LRP1B: variants seen among roughly 807,000 people sequenced by gnomAD.
LRP1B encodes LDL receptor related protein 1B.
Under a neutral mutation model 556.6 loss-of-function variants are expected in LRP1B, and 217 were observed. That is an observed-to-expected ratio of 0.39 (90% confidence interval 0.35 to 0.44). The LOEUF (loss-of-function observed/expected upper bound fraction) is 0.44, where lower values mean the gene tolerates loss of function less well. Ranked by LOEUF, LRP1B falls within the 20% of genes least tolerant of loss-of-function variation. The pLI, the probability that LRP1B is intolerant of heterozygous loss-of-function variation, is 1.00. For synonymous variants in LRP1B, 2,047 were observed against 1,865.8 expected, an observed-to-expected ratio of 1.10 and a Z score of -2.50; for missense variants, 5,053 against 5,620.8, an observed-to-expected ratio of 0.90 and a Z score of 3.23.
intron 10 of LRP1B, among the ~76,000 whole-genome samples, chr2:141,050,669 C>A (rs954524389): frequency 4.6e-5 from 7 of 151,976 alleles, no homozygotes; most frequent in African/African-American, 1.7e-4. Flanking sequence ...AAACCAAAAC[C>A]ATAAAAATCC....
chr2:140,698,235 GC>G (rs1005079573), intron 41 of LRP1B, among the ~76,000 whole-genome samples: 3 of 151,786 alleles, frequency 2.0e-5, no homozygotes, highest in African/African-American at 7.3e-5. Context: ...TGAATGCTTA[GC>G]CCAGAAGAGT....
At chr2:140,581,589 G>C (rs1558982407) in intron 43 of LRP1B, among the ~76,000 whole-genome samples, 2 of 151,210 alleles carry the variant, frequency 1.3e-5, no homozygotes, top group South Asian at 2.1e-4. Flanking sequence ...CATTTGCTTT[G>C]AATTGTTCTT....
intron 41 of LRP1B, among the ~76,000 whole-genome samples, chr2:140,661,728 G>T (rs1254001883): frequency 2.0e-5 from 3 of 151,952 alleles, no homozygotes; most frequent in Non-Finnish European, 4.4e-5. Context: ...AGACAGTTCT[G>T]GACTAATTGT....
intron 31 of LRP1B, among the ~76,000 whole-genome samples, chr2:140,837,571 A>G (rs927861581): frequency 6.6e-6 from 1 of 151,674 alleles, no homozygotes; most frequent in African/African-American, 2.4e-5. Context: ...GTAGACATGT[A>G]TTATTGAATG....
chr2:141,055,380 C>T (rs1051734825), intron 9 of LRP1B, 121 bp from the exon 10 acceptor site: 3 of 928,524 alleles, frequency 3.2e-6, no homozygotes, highest in Non-Finnish European at 4.8e-6. Context: ...ATTTTGTATA[C>T]TCAACTATTT....
chr2:141,022,710 A>C (rs1262541559), intron 11 of LRP1B, among the ~76,000 whole-genome samples: 1 of 152,004 alleles, frequency 6.6e-6, no homozygotes, highest in Non-Finnish European at 1.5e-5. Context: ...AACAAACATC[A>C]GTGACTACAG....
At chr2:140,456,625 CA>C in intron 61 of LRP1B, 22 bp from the exon 62 acceptor site, 1 of 1,598,186 alleles carries the variant, frequency 6.3e-7, no homozygotes, top group Non-Finnish European at 8.5e-7. Context: ...AAAGAAACAA[CA>C]ACAACAAAAC....
intron 2 of LRP1B, among the ~76,000 whole-genome samples, chr2:141,742,472 T>G (rs1693748220): frequency 6.6e-6 from 1 of 152,080 alleles, no homozygotes; most frequent in African/African-American, 2.4e-5. Flanking sequence ...CAGGCTGGTC[T>G]CGAACTCCTG....
At chr2:140,916,030 GA>G (rs896886667) in intron 21 of LRP1B, among the ~76,000 whole-genome samples, 1 of 150,696 alleles carries the variant, frequency 6.6e-6, no homozygotes, top group Admixed American at 6.6e-5. Flanking sequence ...TCTGTCTCAA[GA>G]AAAAAAACAA....
intron 2 of LRP1B, among the ~76,000 whole-genome samples, chr2:141,658,111 G>T (rs1690082594): frequency 1.3e-5 from 2 of 152,070 alleles, no homozygotes; most frequent in Admixed American, 1.3e-4. Context: ...TCATAGGGAA[G>T]AAATTGTAAT....
At chr2:141,285,439 A>G (rs1157533379) in intron 3 of LRP1B, among the ~76,000 whole-genome samples, 1 of 144,972 alleles carries the variant, frequency 6.9e-6, no homozygotes, top group African/African-American at 2.6e-5. Flanking sequence ...AGAAAAGGTG[A>G]GAATAATTTT....
intron 2 of LRP1B, among the ~76,000 whole-genome samples, chr2:141,793,122 C>G (rs1695676926): frequency 6.6e-6 from 1 of 151,788 alleles, no homozygotes; most frequent in African/African-American, 2.4e-5. Context: ...AAAAACATTC[C>G]TTTTTTCTCT....
rs576550800 is a variant in LRP1B at position 140,656,431 on chromosome 2, A to G, written c.6799+43819T>C. ...GTAAGTATGATTGATAATGCCAGGA[A>G]AGCAGTAAAGGAAGAGATTTGTTTT... On this transcript the variant is annotated intron_variant, in intron 41 of 90. Transcript: ENST00000389484. Among the ~76,000 whole-genome samples the G allele has an allele frequency of 1.4e-4, 21 of 152,306 alleles. No homozygotes were observed. The East Asian group carries it at 4.1e-3, about 29-fold the overall frequency.
At chr2:141,802,999 T>C (rs1696057033) in intron 2 of LRP1B, among the ~76,000 whole-genome samples, 1 of 152,040 alleles carries the variant, frequency 6.6e-6, no homozygotes, top group African/African-American at 2.4e-5. Context: ...TGTATTTCAT[T>C]TCACCCCTGC....
chr2:141,157,643 G>A (rs946505150), intron 7 of LRP1B, among the ~76,000 whole-genome samples: 1 of 151,874 alleles, frequency 6.6e-6, no homozygotes, highest in Non-Finnish European at 1.5e-5. Flanking sequence ...TAGTCAACAG[G>A]GAGCTGACAA....
rs1448830774 is a variant in LRP1B, at chr2:141,517,271, C to CACACACACACACAT, written c.206-36739_206-36738insATGTGTGTGTGTGT. ...AGAAGGACAAGAATACGCACACACA[C>CACACACACACACAT]AGACACACACACACACACCTTAAAA... On this transcript the variant is annotated intron_variant, in intron 2 of 90. Transcript: ENST00000389484. Among the ~76,000 whole-genome samples, 7 of 151,174 alleles carry CACACACACACACAT rather than the reference C, an allele frequency of 4.6e-5. 3 individuals are homozygous for CACACACACACACAT. Among genetic ancestry groups the CACACACACACACAT allele is most frequent in the Admixed American group, 1.3e-4 (2 of 15,168 alleles).
intron 7 of LRP1B, among the ~76,000 whole-genome samples, chr2:141,076,153 T>C (rs536940713): frequency 5.3e-5 from 8 of 152,292 alleles, no homozygotes; most frequent in African/African-American, 1.7e-4. Context: ...TAGGCAGGAA[T>C]GCAGTATCAA....
At chr2:140,530,790 T>C (rs2104984077) in intron 47 of LRP1B, among the ~76,000 whole-genome samples, 1 of 152,234 alleles carries the variant, frequency 6.6e-6, no homozygotes, top group Non-Finnish European at 1.5e-5. Context: ...TATCCAACTG[T>C]TATAATTTTA....
At chr2:142,086,942 T>C (rs960231805) in intron 1 of LRP1B, among the ~76,000 whole-genome samples, 2 of 152,166 alleles carry the variant, frequency 1.3e-5, no homozygotes, top group African/African-American at 4.8e-5. Context: ...TATTTTTTTT[T>C]CCAATCTCTG....
Sources: allele counts gnomAD v4.1 joint callset (sites outside exome capture counted in the v4.1 genomes callset), GRCh38; gene constraint gnomAD v4.1.1; transcripts MANE v1.5; gene names NCBI Gene and HGNC (gene_info 2026-07-23, HGNC 2026-07-21).